The following GSAP variants were observed in gnomAD, a reference collection of about 807,000 sequenced individuals.
GSAP encodes the protein gamma-secretase-activating protein.
A neutral mutation model predicts 131.7 loss-of-function variants in GSAP; 118 were observed. That is an observed-to-expected ratio of 0.90 (90% confidence interval 0.77 to 1.04). GSAP has a LOEUF of 1.04. Among genes scored for constraint, GSAP ranks in the 50% least tolerant of loss-of-function variants. The probability of loss-of-function intolerance (pLI) is 0.00; values close to 1 mark genes in which losing one functional copy is unlikely to be tolerated. For synonymous variants in GSAP, 381 were observed against 363.4 expected, an observed-to-expected ratio of 1.05 and a Z score of -0.55; for missense variants, 1,019 against 1,013.2, an observed-to-expected ratio of 1.01 and a Z score of -0.08.
intron 19 of GSAP, among the ~76,000 whole-genome samples, chr7:77,334,546 C>T (rs1259739646): frequency 7.6e-6 from 1 of 131,888 alleles, no homozygotes; most frequent in Admixed American, 8.7e-5. Context: ...AACAAACCTG[C>T]ATGTCCTGCC....
chr7:77,391,164 A>C (rs369242614), intron 5 of GSAP, among the ~76,000 whole-genome samples: 97 of 149,322 alleles, frequency 6.5e-4, no homozygotes, highest in African/African-American at 2.2e-3. Context: ...GAAAAAGAAT[A>C]ACCATATATT....
At chr7:77,412,801 T>G (rs943244749) in intron 1 of GSAP, among the ~76,000 whole-genome samples, 5 of 151,238 alleles carry the variant, frequency 3.3e-5, no homozygotes, top group African/African-American at 1.2e-4. Context: ...AAAAATTAAA[T>G]TTTGAGCTGT....
chr7:77,392,527 G>A (rs1799748610), intron 5 of GSAP, among the ~76,000 whole-genome samples: 1 of 152,166 alleles, frequency 6.6e-6, no homozygotes, highest in South Asian at 2.1e-4. Context: ...CAGCCTGGGT[G>A]ACAGAGCAAG....
intron 12 of GSAP, among the ~76,000 whole-genome samples, chr7:77,370,242 G>C (rs1027127357): frequency 4.6e-5 from 7 of 152,136 alleles, no homozygotes; most frequent in African/African-American, 1.7e-4. Flanking sequence ...TGGATCATCT[G>C]AGGTCAGGAG....
At chr7:77,409,741 G>A (rs7788701) in intron 1 of GSAP, among the ~76,000 whole-genome samples, 34 of 152,176 alleles carry the variant, frequency 2.2e-4, no homozygotes, top group African/African-American at 2.9e-4. Flanking sequence ...AAAAGGTTTC[G>A]GCTAAGATAA....
intron 2 of GSAP, among the ~76,000 whole-genome samples, chr7:77,405,186 G>A (rs1295555088): frequency 6.6e-6 from 1 of 152,200 alleles, no homozygotes; most frequent in Non-Finnish European, 1.5e-5. Flanking sequence ...TAGCTACTGG[G>A]GAGGTTGAGG....
In GSAP at chr7:77,376,899, C is replaced by T. The variant is rs745693285; in HGVS notation, c.690G>A (p.Arg230=). 1 of 1,451,428 alleles carries T rather than the reference C, an allele frequency of 6.9e-7. No homozygotes were observed. Among genetic ancestry groups the T allele is most frequent in the Admixed American group, 2.1e-5 (1 of 46,784 alleles). 89.9% of individuals were successfully genotyped at this position (1,451,428 alleles called of 1,614,324 possible). A position where few individuals can be genotyped will look rare whatever the true frequency, so the allele number is the denominator to read the frequency against. The change falls in exon 10 of 31, where the codon AGG becomes AGA. Residue 230 remains arginine, a synonymous_variant. Coordinates refer to ENST00000257626, the MANE Select transcript of GSAP (RefSeq NM_017439.4). ...AAAACTGGATACATTTTAAGATACTCCTTGATTTCTAAAAGAGAAAACAGA... is the reference window on the plus strand; with the variant it reads ...AAAACTGGATACATTTTAAGATACTTCTTGATTTCTAAAAGAGAAAACAGA... ...RLYYIDLKKS[R]SILKCIQFYA...
chr7:77,343,586 C>A (rs976007500), intron 19 of GSAP, among the ~76,000 whole-genome samples: 35 of 152,306 alleles, frequency 2.3e-4, no homozygotes, highest in African/African-American at 6.7e-4. Context: ...TCCCATCGCT[C>A]AAGGCAACGC....
At chr7:77,311,796 T>A (rs925897787) in intron 30 of GSAP, 45 bp downstream of exon 30, 1 of 921,914 alleles carries the variant, frequency 1.1e-6, no homozygotes, top group Non-Finnish European at 1.8e-6. Context: ...GACTGATGTG[T>A]CAAGGGAAAA....
intron 13 of GSAP, among the ~76,000 whole-genome samples, chr7:77,362,140 T>C (rs1794610827): frequency 6.6e-6 from 1 of 152,180 alleles, no homozygotes; most frequent in Non-Finnish European, 1.5e-5. Flanking sequence ...AGGAAATATA[T>C]ATCCTGTAAG....
At chr7:77,382,241 A>G (rs1293586127) in intron 7 of GSAP, among the ~76,000 whole-genome samples, 1 of 152,076 alleles carries the variant, frequency 6.6e-6, no homozygotes, top group Non-Finnish European at 1.5e-5. Context: ...GTTATCCACT[A>G]TGACAGACAT....
At chr7:77,409,432 A>G (rs1005145700) in intron 1 of GSAP, among the ~76,000 whole-genome samples, 3 of 152,230 alleles carry the variant, frequency 2.0e-5, no homozygotes, top group Non-Finnish European at 4.4e-5. Flanking sequence ...TCAATGAGAT[A>G]ATGATACTTG....
chr7:77,326,327 T>G (rs1788327178), intron 22 of GSAP, 54 bp from the exon 23 acceptor site: 4 of 1,213,142 alleles, frequency 3.3e-6, no homozygotes, highest in Non-Finnish European at 4.8e-6. Context: ...GGAGATGGGT[T>G]AGAAGGAAGA....
intron 10 of GSAP, among the ~76,000 whole-genome samples, chr7:77,375,821 G>T (rs567847050): frequency 6.7e-6 from 1 of 148,258 alleles, no homozygotes; most frequent in East Asian, 2.0e-4. Flanking sequence ...TCCAGCCAGG[G>T]CAACAGAGTG....
intron 26 of GSAP, among the ~76,000 whole-genome samples, chr7:77,318,517 A>C (rs1362521293): frequency 6.6e-6 from 1 of 152,222 alleles, no homozygotes; most frequent in Admixed American, 6.5e-5. Context: ...AGCTATCATA[A>C]AGTTTAACAC....
chr7:77,403,031 C>T (rs1801649300), intron 3 of GSAP, among the ~76,000 whole-genome samples: 1 of 152,142 alleles, frequency 6.6e-6, no homozygotes, highest in Admixed American at 6.5e-5. Flanking sequence ...GCAAAGTGCT[C>T]CTACTGTCAA....
chr7:77,375,702 G>T (rs974444707), intron 10 of GSAP, among the ~76,000 whole-genome samples: 3 of 151,950 alleles, frequency 2.0e-5, no homozygotes, highest in Non-Finnish European at 4.4e-5. Flanking sequence ...AAATTAGCTG[G>T]TCATGGTGAC....
chr7:77,409,995 G>A (rs1360656108), intron 1 of GSAP, among the ~76,000 whole-genome samples: 1 of 152,150 alleles, frequency 6.6e-6, no homozygotes, highest in African/African-American at 2.4e-5. Flanking sequence ...TTGAGCTGGT[G>A]TGGAGCCCAC....
chr7:77,405,544 T>G (rs1033747746), intron 2 of GSAP, among the ~76,000 whole-genome samples: 4 of 152,204 alleles, frequency 2.6e-5, no homozygotes, highest in Non-Finnish European at 5.9e-5. Flanking sequence ...AAAAAAATTT[T>G]TTTTTCTTTT....
Sources: allele counts gnomAD v4.1 joint callset (sites outside exome capture counted in the v4.1 genomes callset), GRCh38; gene constraint gnomAD v4.1.1; transcripts MANE v1.5; gene names NCBI Gene and HGNC (gene_info 2026-07-23, HGNC 2026-07-21).